The following APOB variants were observed in gnomAD, a reference collection of about 807,000 sequenced individuals.
APOB encodes the protein apolipoprotein B.
Under a neutral mutation model 314.1 loss-of-function variants are expected in APOB, and 153 were observed. That is an observed-to-expected ratio of 0.49 (90% CI 0.43 to 0.56). The LOEUF (loss-of-function observed/expected upper bound fraction) is 0.56, where lower values mean the gene tolerates loss of function less well. Ranked by LOEUF, APOB falls within the 20% of genes least tolerant of loss-of-function variation. APOB has a pLI of 0.00. For missense variants in APOB, 5,430 were observed against 5,350.7 expected (o/e 1.01, Z -0.46); for synonymous variants, 2,087 against 2,036.4 (o/e 1.02, Z -0.67).
At chr2:21,014,364 T>C in intron 24 of APOB, 84 bp downstream of exon 24, 1 of 1,532,762 alleles carries the variant, frequency 6.5e-7, no homozygotes, top group Admixed American at 1.8e-5. Context: ...CTTTAAAAAT[T>C]TAAAAAAATG....
chr2:21,006,329 A>C lies in APOB; in HGVS notation c.10539T>G (p.Ile3513Met), dbSNP rs145131440. The change falls in exon 26 of 29, where the codon ATT becomes ATG. Residue 3513 changes from isoleucine (I) to methionine (M), a missense_variant. By Grantham distance (10) the Ile-to-Met change is conservative (BLOSUM62 1). Transcript: ENST00000233242. ...SVLSREYSGT[I>M]ASEANTYLNS... is the part of the protein sequence containing the mutation. The stretch of plus-strand genomic sequence containing the variant: ...TCAAGTAAGTGTTGGCCTCACTAGC[A>C]ATAGTTCCTGAATATTCCCGAGAAA... 3 of 1,614,094 alleles carry C rather than the reference A, an allele frequency of 1.9e-6. No homozygotes were observed. Among genetic ancestry groups the C allele is most frequent in the South Asian group, 1.1e-5 (1 of 91,084 alleles).
intron 18 of APOB, 101 bp from the exon 19 acceptor site, chr2:21,020,006 C>T: frequency 6.9e-6 from 7 of 1,009,874 alleles, no homozygotes; most frequent in Admixed American, 5.2e-5. Flanking sequence ...TCCTGTCTTC[C>T]CTCAGTCCAC....
chr2:21,005,946 G>C lies in APOB; in HGVS notation c.10922C>G (p.Ser3641Cys). Reference protein sequence around the residue: ...IRWKNEVRIHSGSFQSQVELS... With the variant: ...IRWKNEVRIHCGSFQSQVELS... ...CTCGACCTGGCTCTGGAAAGACCCA[G>C]AATGAATCCGGACTTCATTTTTCCA... The change falls in exon 26 of 29, where the codon TCT becomes TGT. Residue 3641 changes from serine (S) to cysteine (C), a missense_variant. Ser to Cys is a moderately radical substitution (Grantham distance 112, BLOSUM62 -1). Coordinates refer to ENST00000233242, the MANE Select transcript of APOB (RefSeq NM_000384.3). 6.2e-7 allele frequency: 1 copy of C among 1,613,900 alleles called. No homozygotes were observed. The highest frequency in any genetic ancestry group is 8.5e-7 in the Non-Finnish European group (1 of 1,179,918).
intron 4 of APOB, among the ~76,000 whole-genome samples, chr2:21,039,190 G>A (rs1450995918): frequency 5.3e-5 from 8 of 152,350 alleles, no homozygotes; most frequent in East Asian, 1.9e-4. Context: ...GATGGCTCTC[G>A]TTTCCACCAG....
rs1209442115 is a variant in APOB, at chr2:21,012,508, T to C, written c.4360A>G (p.Ile1454Val). 1 of 1,614,228 alleles carries C rather than the reference T, an allele frequency of 6.2e-7. No individual in the cohort carries two copies. Among genetic ancestry groups the C allele is most frequent in the Admixed American group, 1.7e-5 (1 of 60,030 alleles). Reference protein sequence around the residue: ...GNNPVSKGLLIFDASSSWGPQ... With the variant: ...GNNPVSKGLLVFDASSSWGPQ... ...CCCCAGGAACTAGATGCATCGAATA[T>C]TAGTAAACCTTTTGAGACTGGGTTG... The change falls in exon 26 of 29, where the codon ATA (isoleucine) becomes GTA (valine). Residue 1454 changes from isoleucine to valine, a missense_variant. Ile to Val is a conservative substitution (Grantham distance 29). Coordinates refer to ENST00000233242, the MANE Select transcript of APOB (RefSeq NM_000384.3).
chr2:21,035,508 G>C, intron 7 of APOB, 76 bp downstream of exon 7: 1 of 1,587,416 alleles, frequency 6.3e-7, no homozygotes, highest in Non-Finnish European at 8.6e-7. Flanking sequence ...GGTTTGCCTG[G>C]AACAGAGCAC....
intron 3 of APOB, among the ~76,000 whole-genome samples, chr2:21,041,469 G>A (rs368867883): frequency 2.0e-5 from 3 of 152,304 alleles, no homozygotes; most frequent in East Asian, 1.9e-4. Context: ...GCCATCCTTC[G>A]TTTCCACAGC....
chr2:21,041,671 A>T (rs1182573451), intron 3 of APOB, among the ~76,000 whole-genome samples: 1 of 152,238 alleles, frequency 6.6e-6, no homozygotes, highest in Admixed American at 6.5e-5. Context: ...GAGCAGTTGA[A>T]ATGCAGCTAA....
chr2:21,010,997 C>T lies in APOB; in HGVS notation c.5871G>A (p.Arg1957=), dbSNP rs1663300098. ...KGSTSHHLVS[R]KSISAALEHK... ...GTTCAAGAGCTGCACTGATGCTTTT[C>T]CTAGACACGAGATGATGACTTGTGG... The change falls in exon 26 of 29, where the codon AGG becomes AGA. Residue 1957 remains arginine, a synonymous_variant. Transcript: ENST00000233242. The T allele has an allele frequency of 1.2e-6, 2 of 1,614,024 alleles. No homozygotes were observed. Among genetic ancestry groups the T allele is most frequent in the African/African-American group, 2.7e-5 (2 of 74,900 alleles).
rs1484695395 is a variant in APOB, at chr2:21,032,404, C to T, written c.1302G>A (p.Arg434=). ...QQLREIFNMA[R]DQRSRATLYA... is the part of the protein sequence containing the mutation. ...ACAAGGTGGCTCGGCTGCGCTGATC[C>T]CTCGCCATGTTGAAGATCTCTCGCA... Residue 434 remains arginine (R), a synonymous_variant, in exon 10 of 29, where the codon AGG becomes AGA. Coordinates refer to ENST00000233242, the MANE Select transcript of APOB (RefSeq NM_000384.3). The T allele has an allele frequency of 1.9e-6, 3 of 1,614,036 alleles. No homozygotes were observed. Among genetic ancestry groups the T allele is most frequent in the Admixed American group, 3.3e-5 (2 of 60,028 alleles).
chr2:21,016,576 T>C lies in APOB; in HGVS notation c.3195A>G (p.Gln1065=). Residue 1065 remains glutamine (Q), a synonymous_variant, in exon 21 of 29, where the codon CAA becomes CAG. Coordinates refer to ENST00000233242, the MANE Select transcript of APOB (RefSeq NM_000384.3). ...CGAGGTCAACATCAAAATCCGGAAT[T>C]TGGACTTCACTGGACAAGGTCATAC... The part of the protein sequence containing the change: ...RQSMTLSSEV[Q]IPDFDVDLGT... 3.7e-6 allele frequency: 6 copies of C among 1,612,274 alleles called. No individual in the cohort carries two copies. The highest frequency in any genetic ancestry group is 5.1e-6 in the Non-Finnish European group (6 of 1,178,352).
At chr2:21,020,055 A>C in intron 18 of APOB, 150 bp from the exon 19 acceptor site, 2 of 757,376 alleles carry the variant, frequency 2.6e-6, no homozygotes, top group Non-Finnish European at 4.6e-6. Context: ...GAAACAAATA[A>C]TATTAGAAAG....
At chr2:21,020,755 G>T (rs1663586664) in intron 18 of APOB, among the ~76,000 whole-genome samples, 1 of 152,164 alleles carries the variant, frequency 6.6e-6, no homozygotes, top group African/African-American at 2.4e-5. Context: ...TCCAAGTTGG[G>T]GGTGCCACAA....
rs1228794210 is a variant in APOB at position 21,006,307 on chromosome 2, A to C, written c.10561T>G (p.Leu3521Val). 1 of 1,614,090 alleles carries C rather than the reference A, an allele frequency of 6.2e-7. No homozygotes were observed. The highest frequency in any genetic ancestry group is 1.7e-5 in the Admixed American group (1 of 60,022). The change falls in exon 26 of 29, where the codon TTG becomes GTG. Residue 3521 changes from leucine to valine, a missense_variant. By Grantham distance (32) the Leu-to-Val change is conservative. This residue lies in a region of APOB where 3,281 missense variants were observed against 3,171.0 expected (regional missense o/e 1.03). Coordinates refer to ENST00000233242, the MANE Select transcript of APOB (RefSeq NM_000384.3). Reference sequence around the variant, plus strand: ...GAAGACCGTGTGCTCTTGGAATTCAAGTAAGTGTTGGCCTCACTAGCAATA... The same window carrying C: ...GAAGACCGTGTGCTCTTGGAATTCACGTAAGTGTTGGCCTCACTAGCAATA... The part of the protein sequence containing the change: ...GTIASEANTY[L>V]NSKSTRSSVK...
chr2:21,037,812 C>A, intron 5 of APOB, 146 bp downstream of exon 5: 1 of 992,802 alleles, frequency 1.0e-6, no homozygotes, highest in South Asian at 1.4e-5. Context: ...GAACCTCGGG[C>A]ACCAGTATTT....
At position 21,005,917 on chromosome 2, in the gene APOB, A is replaced by G; in HGVS notation, c.10951T>C (p.Ser3651Pro). Residue 3651 changes from serine to proline, a missense_variant, in exon 26 of 29, where the codon TCC becomes CCC. By Grantham distance (74) the Ser-to-Pro change is moderately conservative (BLOSUM62 -1). Transcript: ENST00000233242. ...AGGTGTGCCTTTTCTTGGTCATTGG[A>G]AAGCTCGACCTGGCTCTGGAAAGAC... ...SGSFQSQVEL[S>P]NDQEKAHLDI... The G allele has an allele frequency of 6.2e-7, 1 of 1,613,900 alleles. No homozygotes were observed. The highest frequency in any genetic ancestry group is 8.5e-7 in the Non-Finnish European group (1 of 1,179,940).
intron 8 of APOB, among the ~76,000 whole-genome samples, chr2:21,033,901 C>G (rs1035705699): frequency 1.3e-5 from 2 of 152,146 alleles, no homozygotes; most frequent in African/African-American, 4.8e-5. Context: ...CCCAAGAGCT[C>G]TCAGGGTCTA....
At chr2:21,034,764 T>C (rs541704608) in intron 8 of APOB, 52 bp downstream of exon 8, 2 of 1,016,824 alleles carry the variant, frequency 2.0e-6, no homozygotes, top group African/African-American at 1.6e-5. Flanking sequence ...TAAGCCATGA[T>C]AGGCACATCT....
In APOB at chr2:21,024,994, A is replaced by G; in HGVS notation, c.2375T>C (p.Leu792Pro). 6.2e-7 allele frequency: 1 copy of G among 1,614,230 alleles called. No individual in the cohort carries two copies. The highest frequency in any genetic ancestry group is 8.5e-7 in the Non-Finnish European group (1 of 1,180,044). Residue 792 changes from leucine to proline, a missense_variant, in exon 16 of 29, where the codon CTC (leucine) becomes CCC (proline). Leu to Pro is a moderately conservative substitution (Grantham distance 98). Coordinates refer to ENST00000233242, the MANE Select transcript of APOB (RefSeq NM_000384.3). Reference sequence around the variant, plus strand: ...CAGAAGCAGCTTTCCCAGGAGCTGGAGGTCATGGAGACTGGCAAAACCAAG... The same window carrying G: ...CAGAAGCAGCTTTCCCAGGAGCTGGGGGTCATGGAGACTGGCAAAACCAAG... ...EELGFASLHD[L>P]QLLGKLLLMG...
Sources: allele counts gnomAD v4.1 joint callset (sites outside exome capture counted in the v4.1 genomes callset), GRCh38; gene constraint gnomAD v4.1.1; regional missense constraint gnomAD v4.1.1; transcripts MANE v1.5; gene names NCBI Gene and HGNC (gene_info 2026-07-23, HGNC 2026-07-21).